The following FAT3 variants were observed in gnomAD, a reference collection of about 807,000 sequenced individuals.
FAT3 encodes the protein protocadherin Fat 3.
FAT3 carries 95 observed loss-of-function variants against 310.2 expected under a neutral mutation model. The observed-to-expected ratio is 0.31, with a 90% CI of 0.26 to 0.36. The LOEUF (loss-of-function observed/expected upper bound fraction) is 0.36. FAT3 is among the 10% of genes least tolerant of loss of function. The pLI is 1.00. For missense variants in FAT3, 5,408 were observed against 5,715.6 expected (o/e 0.95, Z 1.74); for synonymous variants, 2,314 against 2,192.9 (o/e 1.06, Z -1.54).
In FAT3 at chr11:92,882,823, A is replaced by G; in HGVS notation, c.12367A>G (p.Asn4123Asp). ...CVNVFGSFLC[N>D]CTPGYVGQYC... ...GAACGTGTTCGGCTCCTTCCTCTGC[A>G]ACTGCACGCCGGGCTACGTGGGCCA... The change falls in exon 24 of 28, where the codon AAC becomes GAC. Residue 4123 changes from asparagine to aspartate, a missense_variant. Coordinates refer to ENST00000525166, the MANE Select transcript of FAT3 (RefSeq NM_001367949.2). 2 of 1,611,928 alleles carry G rather than the reference A, an allele frequency of 1.2e-6. No individual in the cohort carries two copies. The highest frequency in any genetic ancestry group is 1.7e-6 in the Non-Finnish European group (2 of 1,179,286).
At chr11:92,498,340 C>A (rs79968086) in intron 2 of FAT3, 2,397 of 237,768 alleles carry the variant, frequency 0.01, 51 homozygotes, top group African/African-American at 0.053. Context: ...GATCGGCAAG[C>A]CTTTTCTTTG....
At chr11:92,614,443 A>G (rs1940707854) in intron 3 of FAT3, among the ~76,000 whole-genome samples, 1 of 152,066 alleles carries the variant, frequency 6.6e-6, no homozygotes, top group African/African-American at 2.4e-5. Flanking sequence ...TAGCCATCCT[A>G]CTATGTTCAA....
chr11:92,243,864 T>TA (rs1451853901), intron 1 of FAT3, among the ~76,000 whole-genome samples: 15 of 152,232 alleles, frequency 9.9e-5, no homozygotes, highest in African/African-American at 3.6e-4. Context: ...TAAAATATTT[T>TA]AAAATAGAAA....
chr11:92,439,052 G>C (rs1951011186), intron 2 of FAT3, among the ~76,000 whole-genome samples: 1 of 152,206 alleles, frequency 6.6e-6, no homozygotes. Flanking sequence ...TGTGTTGGCA[G>C]ATCACTGACT....
intron 1 of FAT3, among the ~76,000 whole-genome samples, chr11:92,335,016 T>G (rs1488168444): frequency 3.6e-4 from 55 of 152,200 alleles, no homozygotes; most frequent in Admixed American, 3.6e-3. Context: ...GGAGAAATGC[T>G]TACTACATTA....
Position 92,276,852 on chromosome 11 carries a change from C to T in FAT3, c.-18+51678C>T, listed in dbSNP as rs377461206. Among the ~76,000 whole-genome samples the T allele has an allele frequency of 2.1e-4, 32 of 152,230 alleles. No homozygotes were observed. The East Asian group carries it at 5.6e-3, about 27-fold the overall frequency. ...TGGCAATAGCTAACTGGTATAACCT[C>T]GTAGGACAATCTTATTTTTAATAAC... is the stretch of plus-strand genomic sequence containing the variant. On this transcript the variant is annotated intron_variant, in intron 1 of 27. Coordinates refer to ENST00000525166, the MANE Select transcript of FAT3 (RefSeq NM_001367949.2).
intron 23 of FAT3, 125 bp from the exon 24 acceptor site, chr11:92,882,613 T>C: frequency 4.3e-6 from 2 of 460,058 alleles, no homozygotes; most frequent in South Asian, 2.8e-5. Context: ...ATCTTTGTCC[T>C]GCTTCATCTG....
At position 92,619,525 on chromosome 11, in the gene FAT3, A is replaced by G. The variant is rs1940983796; in HGVS notation, c.3608-77859A>G. Among the ~76,000 whole-genome samples, 8 of 152,180 alleles carry G rather than the reference A, an allele frequency of 5.3e-5. No homozygotes were observed. In the South Asian group the frequency reaches 1.5e-3, roughly 28 times the overall value. On this transcript the variant is annotated intron_variant, in intron 3 of 27. Coordinates refer to ENST00000525166, the MANE Select transcript of FAT3 (RefSeq NM_001367949.2). ...GGGAAGATTTTTTGTTTTGCTTTTA[A>G]TTATTAATTCATTCTCTGTACTTCC...
chr11:92,722,074 T>TC (rs1944877505), intron 4 of FAT3, among the ~76,000 whole-genome samples: 1 of 151,804 alleles, frequency 6.6e-6, no homozygotes, highest in East Asian at 2.0e-4. Context: ...TTCTCAACAG[T>TC]CCCCCAAAGT....
At chr11:92,527,923 G>A (rs571762385) in intron 3 of FAT3, among the ~76,000 whole-genome samples, 89 of 152,250 alleles carry the variant, frequency 5.8e-4, no homozygotes, top group African/African-American at 2.0e-3. Context: ...TTCTCAAATG[G>A]ATGTTGACTC....
intron 3 of FAT3, among the ~76,000 whole-genome samples, chr11:92,587,228 C>T (rs1939202697): frequency 6.6e-6 from 1 of 151,942 alleles, no homozygotes; most frequent in Non-Finnish European, 1.5e-5. Context: ...AAACCTCGAT[C>T]TATAGAAAGA....
intron 1 of FAT3, among the ~76,000 whole-genome samples, chr11:92,329,539 AC>A (rs143217586): frequency 0.011 from 1,698 of 151,472 alleles, 38 homozygotes; most frequent in African/African-American, 0.039. Flanking sequence ...TTTATAAATT[AC>A]CCAGCCTCAG....
intron 2 of FAT3, among the ~76,000 whole-genome samples, chr11:92,433,275 G>A (rs571692718): frequency 1.3e-4 from 20 of 152,210 alleles, no homozygotes; most frequent in African/African-American, 4.8e-4. Context: ...AGGCACCACT[G>A]GGGTATGAAA....
intron 2 of FAT3, among the ~76,000 whole-genome samples, chr11:92,449,340 G>A (rs1040541480): frequency 6.6e-6 from 1 of 152,302 alleles, no homozygotes; most frequent in African/African-American, 2.4e-5. Flanking sequence ...CAGTCACACA[G>A]AAGTGGAAAC....
chr11:92,756,633 A>T (rs946412780), intron 4 of FAT3, among the ~76,000 whole-genome samples: 4 of 152,132 alleles, frequency 2.6e-5, no homozygotes, highest in Non-Finnish European at 5.9e-5. Flanking sequence ...AAGATCCAAG[A>T]TCTCCGCTTT....
intron 1 of FAT3, among the ~76,000 whole-genome samples, chr11:92,225,817 G>C (rs1181568021): frequency 1.3e-5 from 2 of 152,174 alleles, no homozygotes; most frequent in Non-Finnish European, 2.9e-5. Flanking sequence ...TTCGACTGGG[G>C]ACGACATCCT....
chr11:92,278,759 G>T (rs1946346335), intron 1 of FAT3, among the ~76,000 whole-genome samples: 1 of 152,130 alleles, frequency 6.6e-6, no homozygotes, highest in Non-Finnish European at 1.5e-5. Context: ...TTTGGAACAT[G>T]CAGCAATTCA....
intron 9 of FAT3, among the ~76,000 whole-genome samples, chr11:92,797,537 G>A (rs561874736): frequency 5.9e-5 from 9 of 152,192 alleles, no homozygotes; most frequent in Non-Finnish European, 1.0e-4. Context: ...TCTCTCCTTC[G>A]GGCTCTCTTA....
At chr11:92,766,835 T>A (rs938841584) in intron 6 of FAT3, 1 of 152,218 alleles carries the variant, frequency 6.6e-6, no homozygotes, top group Non-Finnish European at 1.5e-5. Flanking sequence ...CACGTAGTCA[T>A]GGTCTGGTTT....
Sources: gnomAD v4.1 joint callset for allele counts (sites outside exome capture counted in the v4.1 genomes callset) on GRCh38, gnomAD v4.1.1 for gene constraint, MANE v1.5 for transcripts, NCBI Gene and HGNC (gene_info 2026-07-23, HGNC 2026-07-21) for gene names.